AK8: variants seen among roughly 807,000 people sequenced by gnomAD.
The protein encoded by AK8 is adenylate kinase 8, also known as ATP-AMP transphosphorylase 8.
Under a neutral mutation model 54.6 loss-of-function variants are expected in AK8, and 44 were observed. The observed-to-expected ratio is 0.81, with a 90% CI of 0.63 to 1.04. The LOEUF (loss-of-function observed/expected upper bound fraction) is 1.04, where lower values mean the gene tolerates loss of function less well. Among genes scored for constraint, AK8 ranks in the 50% least tolerant of loss-of-function variants. The pLI, the probability that AK8 is intolerant of heterozygous loss-of-function variation, is 0.00. For missense variants in AK8, 555 were observed against 613.6 expected, an observed-to-expected ratio of 0.90 and a Z score of 1.01; for synonymous variants, 239 against 245.6, an observed-to-expected ratio of 0.97 and a Z score of 0.25.
chr9:132,823,869 A>G (rs1841762751), intron 8 of AK8, among the ~76,000 whole-genome samples: 1 of 152,250 alleles, frequency 6.6e-6, no homozygotes, highest in East Asian at 1.9e-4. Flanking sequence ...GGACTTCTAA[A>G]GGACTCGAAT....
intron 9 of AK8, 49 bp from the exon 10 acceptor site, chr9:132,814,776 G>A (rs371848437): frequency 6.3e-4 from 972 of 1,542,136 alleles, no homozygotes; most frequent in Non-Finnish European, 8.2e-4. Flanking sequence ...TAAATAGGAG[G>A]AAGGATGAGA....
At chr9:132,777,051 G>A (rs565733607) in intron 11 of AK8, among the ~76,000 whole-genome samples, 35 of 152,142 alleles carry the variant, frequency 2.3e-4, no homozygotes, top group South Asian at 1.7e-3. Flanking sequence ...CCTGCCCCGC[G>A]TGTCACCTGG....
intron 11 of AK8, among the ~76,000 whole-genome samples, chr9:132,755,381 T>A (rs1367345295): frequency 6.6e-6 from 1 of 152,022 alleles, no homozygotes; most frequent in Admixed American, 6.6e-5. Flanking sequence ...CCTCGACCCG[T>A]CCCACCTGAT....
chr9:132,745,780 G>A (rs527706585), intron 11 of AK8, among the ~76,000 whole-genome samples: 100 of 152,080 alleles, frequency 6.6e-4, no homozygotes, highest in Non-Finnish European at 9.9e-4. Context: ...CCAAGCTAAG[G>A]GTTTCCCTCA....
At chr9:132,738,019 A>C (rs1837198073) in intron 11 of AK8, among the ~76,000 whole-genome samples, 1 of 151,958 alleles carries the variant, frequency 6.6e-6, no homozygotes, top group South Asian at 2.1e-4. Flanking sequence ...CTAAGTGCTA[A>C]ATAAATATTT....
intron 11 of AK8, among the ~76,000 whole-genome samples, chr9:132,733,658 G>A (rs1179911986): frequency 6.6e-6 from 1 of 152,232 alleles, no homozygotes. Context: ...TGCGCCCAAT[G>A]TGAGGGCCAG....
intron 11 of AK8, among the ~76,000 whole-genome samples, chr9:132,759,195 C>CAAAAA (rs11354456): frequency 2.4e-5 from 2 of 82,772 alleles, no homozygotes; most frequent in Non-Finnish European, 5.0e-5. Flanking sequence ...GACCTGGTCT[C>CAAAAA]AAAAAAAAAA....
intron 11 of AK8, among the ~76,000 whole-genome samples, chr9:132,738,674 CA>C (rs1837228056): frequency 6.6e-6 from 1 of 151,136 alleles, no homozygotes; most frequent in Non-Finnish European, 1.5e-5. Context: ...GGATAGTTTC[CA>C]AAGGAAGTAA....
chr9:132,752,640 T>C (rs1837989466), intron 11 of AK8, among the ~76,000 whole-genome samples: 1 of 151,584 alleles, frequency 6.6e-6, no homozygotes, highest in African/African-American at 2.4e-5. Context: ...CCCACCTTGT[T>C]CCTCCAGTGG....
chr9:132,821,315 G>A (rs1462081011), intron 9 of AK8, among the ~76,000 whole-genome samples: 9 of 152,068 alleles, frequency 5.9e-5, no homozygotes, highest in Admixed American at 3.9e-4. Flanking sequence ...ACATGCTTAC[G>A]TAAGCAAGTG....
chr9:132,835,198 A>G (rs10121171), intron 5 of AK8, among the ~76,000 whole-genome samples: 54,522 of 152,052 alleles, frequency 0.36, 11,853 homozygotes, highest in South Asian at 0.57. Context: ...GTTCCTAAAT[A>G]GTTAAAAAAA....
Position 132,792,765 on chromosome 9 carries a change from G to C in AK8, c.990C>G (p.Ser330Arg). 6.4e-7 allele frequency: 1 copy of C among 1,560,366 alleles called. No individual in the cohort carries two copies. The highest frequency in any genetic ancestry group is 8.7e-7 in the Non-Finnish European group (1 of 1,152,134). Reference sequence around the variant, plus strand: ...GCTGGCTCAGCACCTTCATGAGGAGGCTGTCAGGAACTGCAGAGAAGGGGG... The same window carrying C: ...GCTGGCTCAGCACCTTCATGAGGAGCCTGTCAGGAACTGCAGAGAAGGGGG... ...FFEKEMAVPDSLLMKVLSQRL... is the reference protein window; with the variant it reads ...FFEKEMAVPDRLLMKVLSQRL... The change falls in exon 11 of 13, where the codon AGC becomes AGG. Residue 330 changes from serine (S) to arginine (R), a missense_variant. Transcript: ENST00000298545.
At chr9:132,747,125 A>G (rs750696149) in intron 11 of AK8, among the ~76,000 whole-genome samples, 6 of 152,214 alleles carry the variant, frequency 3.9e-5, no homozygotes, top group Non-Finnish European at 8.8e-5. Flanking sequence ...GTAAAGATAT[A>G]TGGACAAGAT....
intron 11 of AK8, among the ~76,000 whole-genome samples, chr9:132,749,364 G>A (rs932975067): frequency 6.6e-6 from 1 of 151,852 alleles, no homozygotes; most frequent in South Asian, 2.1e-4. Flanking sequence ...GGTGCTGGAC[G>A]CTCTGGCCTG....
intron 10 of AK8, among the ~76,000 whole-genome samples, chr9:132,797,974 T>C (rs1460999957): frequency 6.6e-6 from 1 of 152,210 alleles, no homozygotes; most frequent in Non-Finnish European, 1.5e-5. Context: ...GTTCGAGTCC[T>C]TTAACCTTTT....
At chr9:132,867,027 G>C (rs758734190) in intron 2 of AK8, 74 bp from the exon 3 acceptor site, 5 of 1,424,010 alleles carry the variant, frequency 3.5e-6, no homozygotes, top group African/African-American at 1.4e-5. Flanking sequence ...TACTCGGGGT[G>C]TACTTATTTC....
intron 5 of AK8, among the ~76,000 whole-genome samples, chr9:132,831,188 C>G (rs975921691): frequency 1.3e-5 from 2 of 151,734 alleles, no homozygotes; most frequent in East Asian, 1.9e-4. Flanking sequence ...ATACGCTCTC[C>G]CTTCTTTTTT....
At chr9:132,764,556 A>G (rs976061985) in intron 11 of AK8, among the ~76,000 whole-genome samples, 2 of 152,352 alleles carry the variant, frequency 1.3e-5, no homozygotes, top group Admixed American at 6.5e-5. Context: ...AACAAACTGG[A>G]AAATCTAACA....
chr9:132,804,919 A>G (rs142706054), intron 10 of AK8, among the ~76,000 whole-genome samples: 81 of 152,340 alleles, frequency 5.3e-4, no homozygotes, highest in African/African-American at 1.8e-3. Context: ...CCCCGCTCAC[A>G]GCCCAATGAG....
Sources: allele counts gnomAD v4.1 joint callset (sites outside exome capture counted in the v4.1 genomes callset), GRCh38; gene constraint gnomAD v4.1.1; transcripts MANE v1.5; gene names NCBI Gene and HGNC (gene_info 2026-07-23, HGNC 2026-07-21).